NSD3: variants seen among roughly 807,000 people sequenced by gnomAD.
The protein encoded by NSD3 is histone-lysine N-methyltransferase NSD3.
In NSD3, 24 loss-of-function variants were observed where a neutral mutation model predicts 160.8. The ratio of observed to expected loss-of-function variants is 0.15; its 90% CI spans 0.11 to 0.21. The LOEUF is 0.21. NSD3 is among the 10% of genes least tolerant of loss of function. The pLI is 1.00. For missense variants in NSD3, 1,157 were observed against 1,735.9 expected (o/e 0.67, Z 5.93); for synonymous variants, 520 against 600.0 (o/e 0.87, Z 1.95).
intron 7 of NSD3, among the ~76,000 whole-genome samples, chr8:38,324,421 C>T (rs1809859264): frequency 6.6e-6 from 1 of 152,044 alleles, no homozygotes. Context: ...TTTTACTTTG[C>T]TATTATAATA....
Position 38,374,797 on chromosome 8 carries a change from G to A in NSD3, c.-45+7002C>T, listed in dbSNP as rs139198573. On this transcript the variant is annotated intron_variant, in intron 1 of 23. Transcript: ENST00000317025. ...AGGTGGATGGATCACGAGGTCAGGA[G>A]ATCGAGACCATCCTAGCTAACACGG... Among the ~76,000 whole-genome samples the A allele has an allele frequency of 8.5e-4, 129 of 152,236 alleles. 1 individual carries two copies. Among genetic ancestry groups the A allele is most frequent in the Non-Finnish European group, 1.2e-3 (85 of 68,016 alleles).
intron 14 of NSD3, 98 bp from the exon 15 acceptor site, chr8:38,299,688 T>C (rs1227618122): frequency 8.0e-7 from 1 of 1,244,758 alleles, no homozygotes; most frequent in Non-Finnish European, 1.0e-6. Context: ...GCTTCAAAGC[T>C]GGGGTGGGGA....
chr8:38,349,764 C>A (rs926606532), intron 1 of NSD3, among the ~76,000 whole-genome samples: 10 of 147,966 alleles, frequency 6.8e-5, no homozygotes, highest in Non-Finnish European at 1.5e-4. Context: ...CATACATGTG[C>A]CATGTTGGTG....
intron 1 of NSD3, among the ~76,000 whole-genome samples, chr8:38,351,962 G>GTA (rs1199640018): frequency 6.6e-6 from 1 of 151,190 alleles, no homozygotes; most frequent in Non-Finnish European, 1.5e-5. Flanking sequence ...CATGGCACAT[G>GTA]TATACATACG....
chr8:38,295,670 T>A, intron 16 of NSD3, 126 bp downstream of exon 16: 2 of 819,694 alleles, frequency 2.4e-6, no homozygotes, highest in Non-Finnish European at 3.6e-6. Context: ...GTTCTTTTCT[T>A]TTTTTTTTTT....
At position 38,316,963 on chromosome 8, in the gene NSD3, AG is replaced by A. The variant is rs1233218787; in HGVS notation, c.1856-922del. The A allele has an allele frequency of 4.7e-6, 5 of 1,060,886 alleles. No homozygotes were observed. Among genetic ancestry groups the A allele is most frequent in the Non-Finnish European group, 5.7e-6 (5 of 876,470 alleles). 65.7% of individuals were successfully genotyped at this position (1,060,886 alleles called of 1,614,324 possible). On this transcript the variant is annotated intron_variant, in intron 9 of 23. Transcript: ENST00000317025. This position sits in a 1 kb window ranked among gnomAD's most constrained non-coding sequence, Gnocchi z 4.5. ...AGGCACGGTGAATACCAAGGAACCA[AG>A]GAGACGGTTAATATTTCAACCCACA...
At chr8:38,334,553 G>A (rs1395906762) in intron 4 of NSD3, among the ~76,000 whole-genome samples, 1 of 151,732 alleles carries the variant, frequency 6.6e-6, no homozygotes, top group Non-Finnish European at 1.5e-5. Flanking sequence ...AGGAGTTTGA[G>A]ACCAGCCTGG....
chr8:38,329,214 C>G lies in NSD3; in HGVS notation c.1581+164G>C, dbSNP rs142865753. Among the ~76,000 whole-genome samples, 167 of 152,214 alleles carry G rather than the reference C, an allele frequency of 1.1e-3. 1 individual carries two copies. The highest frequency in any genetic ancestry group is 3.7e-3 in the African/African-American group (153 of 41,522). ...GGGATAAAAAAGAAGAAAAACATAG[C>G]CTTTTTGCCTGTCTTTTTTGCCCAC... On this transcript the variant is annotated intron_variant, in intron 6 of 23. Coordinates refer to ENST00000317025, the MANE Select transcript of NSD3 (RefSeq NM_023034.2). The surrounding 1 kb of genome is among the most constrained non-coding windows in gnomAD (Gnocchi z 4.8).
At chr8:38,370,227 A>G (rs780351771) in intron 1 of NSD3, among the ~76,000 whole-genome samples, 5 of 152,218 alleles carry the variant, frequency 3.3e-5, no homozygotes, top group African/African-American at 1.2e-4. Context: ...CTATAAGGTG[A>G]TAAGTTTGCT....
At chr8:38,349,485 G>A (rs1391476801) in intron 1 of NSD3, among the ~76,000 whole-genome samples, 3 of 151,334 alleles carry the variant, frequency 2.0e-5, no homozygotes, top group Admixed American at 1.3e-4. Context: ...CGCCTGGCCT[G>A]AAACATTCTC....
chr8:38,314,838 T>G (rs1207665166), intron 11 of NSD3, 65 bp from the exon 12 acceptor site: 2 of 1,543,552 alleles, frequency 1.3e-6, no homozygotes, highest in African/African-American at 2.7e-5. Flanking sequence ...ATGGGCGGCT[T>G]GTTAAACACA....
rs569305595 is a variant in NSD3 at position 38,285,827 on chromosome 8, A to G, written c.3501+2660T>C. ...AAATCCTGTTGGCTCTACCTTCAAA[A>G]TGTCAGAAATCTAACCACTTCCCTC... On this transcript the variant is annotated intron_variant, in intron 19 of 23. Coordinates refer to ENST00000317025, the MANE Select transcript of NSD3 (RefSeq NM_023034.2). Among the ~76,000 whole-genome samples the G allele has an allele frequency of 4.5e-4, 68 of 152,326 alleles. 1 individual carries two copies. The highest frequency in any genetic ancestry group is 1.6e-3 in the African/African-American group (68 of 41,580).
intron 2 of NSD3, among the ~76,000 whole-genome samples, chr8:38,347,232 T>A (rs780166212): frequency 2.0e-5 from 3 of 152,128 alleles, no homozygotes; most frequent in Non-Finnish European, 4.4e-5. Flanking sequence ...TGTAAGCAAA[T>A]AAAAATAACC....
intron 1 of NSD3, among the ~76,000 whole-genome samples, chr8:38,365,734 C>T (rs1811090047): frequency 1.3e-5 from 2 of 151,964 alleles, no homozygotes; most frequent in Non-Finnish European, 2.9e-5. Flanking sequence ...GTGTGAGCCA[C>T]CGCACCCGGC....
chr8:38,382,065 G>C lies in NSD3; in HGVS notation c.-311C>G, dbSNP rs1811596989. The C allele has an allele frequency of 6.5e-6, 1 of 153,020 alleles. No individual in the cohort carries two copies. The highest frequency in any genetic ancestry group is 1.5e-5 in the Non-Finnish European group (1 of 68,486). The allele number at this position is 153,020 out of a possible 1,614,324, so 9.5% of individuals were successfully genotyped here. A position where few individuals can be genotyped will look rare whatever the true frequency, so the allele number is the denominator to read the frequency against. ...AGGCTCGGGAGGTGGGATGGGAAGG[G>C]GAGGCCGAGGGACGGGGGTCGCCGC... is the stretch of plus-strand genomic sequence containing the variant. On this transcript the variant is annotated 5_prime_UTR_variant, in exon 1 of 24. Transcript: ENST00000317025. The surrounding 1 kb of genome is among the most constrained non-coding windows in gnomAD (Gnocchi z 4.2).
chr8:38,380,019 C>CA (rs777366717), intron 1 of NSD3, among the ~76,000 whole-genome samples: 58 of 152,182 alleles, frequency 3.8e-4, no homozygotes, highest in Non-Finnish European at 7.1e-4. Flanking sequence ...AAGTTTCAAT[C>CA]AAAAAACGAA....
intron 19 of NSD3, among the ~76,000 whole-genome samples, chr8:38,287,922 A>G (rs1808903855): frequency 6.6e-6 from 1 of 152,036 alleles, no homozygotes; most frequent in Non-Finnish European, 1.5e-5. Flanking sequence ...ATTTTTTTTA[A>G]AAGGTAGAAA....
chr8:38,376,160 T>C (rs1811382755), intron 1 of NSD3, among the ~76,000 whole-genome samples: 1 of 152,178 alleles, frequency 6.6e-6, no homozygotes, highest in Non-Finnish European at 1.5e-5. Flanking sequence ...TTCATCGCTA[T>C]CTTATTTTAT....
Position 38,326,738 on chromosome 8 carries a change from C to A in NSD3, c.1700G>T (p.Gly567Val). Residue 567 changes from glycine to valine, a missense_variant, in exon 7 of 24, where the codon GGT (glycine) becomes GTT (valine). Gly to Val is a moderately radical substitution (Grantham distance 109). Transcript: ENST00000317025. ...TTTTCATTCATACCAACCTGTAGAA[C>A]CAGATGTTGCTTCAGGAGATGATAC... ...QSVSSPEATSGSTGSVEKKQQ... is the reference protein window; with the variant it reads ...QSVSSPEATSVSTGSVEKKQQ... The A allele has an allele frequency of 6.2e-7, 1 of 1,613,156 alleles. No individual in the cohort carries two copies. The highest frequency in any genetic ancestry group is 1.3e-5 in the African/African-American group (1 of 74,972).
Sources: allele counts gnomAD v4.1 joint callset (sites outside exome capture counted in the v4.1 genomes callset), GRCh38; gene constraint gnomAD v4.1.1; non-coding constraint Gnocchi (gnomAD v3.1); transcripts MANE v1.5; gene names NCBI Gene and HGNC (gene_info 2026-07-23, HGNC 2026-07-21).